CCSER1: variants seen among roughly 807,000 people sequenced by gnomAD.
CCSER1 encodes the protein coiled-coil serine rich protein 1.
A neutral mutation model predicts 82.0 loss-of-function variants in CCSER1; 41 were observed. The observed-to-expected ratio is 0.50, with a 90% confidence interval of 0.39 to 0.65. The LOEUF is 0.65. CCSER1 is among the 30% of genes least tolerant of loss of function. The probability of loss-of-function intolerance (pLI) is 0.00; values close to 1 mark genes in which losing one functional copy is unlikely to be tolerated. For synonymous variants in CCSER1, 414 were observed against 383.9 expected, an observed-to-expected ratio of 1.08 and a Z score of -0.92; for missense variants, 1,119 against 1,064.2, an observed-to-expected ratio of 1.05 and a Z score of -0.72.
chr4:90,127,695 G>C lies in CCSER1; in HGVS notation c.-178G>C, dbSNP rs934461052. The C allele has an allele frequency of 1.2e-4, 18 of 153,244 alleles. No homozygotes were observed. The highest frequency in any genetic ancestry group is 4.3e-4 in the African/African-American group (18 of 41,602). 9.5% of individuals were successfully genotyped at this position (153,244 alleles called of 1,614,324 possible). ...AACGCAGCTGGACTCTGTGCAACTG[G>C]GAGTGGAGAGGAGCCCAACAGCCGA... is the stretch of plus-strand genomic sequence containing the variant. On this transcript the variant is annotated 5_prime_UTR_variant, in exon 1 of 11. Coordinates refer to ENST00000509176, the MANE Select transcript of CCSER1 (RefSeq NM_001145065.2).
intron 1 of CCSER1, among the ~76,000 whole-genome samples, chr4:90,281,232 G>A (rs1728794797): frequency 6.6e-6 from 1 of 151,990 alleles, no homozygotes; most frequent in South Asian, 2.1e-4. Flanking sequence ...CTTATATGTG[G>A]GAGCTAAACA....
At chr4:90,553,977 T>A (rs1451836857) in intron 5 of CCSER1, among the ~76,000 whole-genome samples, 1 of 152,226 alleles carries the variant, frequency 6.6e-6, no homozygotes, top group Non-Finnish European at 1.5e-5. Flanking sequence ...TACTAGGTAT[T>A]ATTACCAAAA....
At chr4:91,025,103 C>A (rs997561529) in intron 9 of CCSER1, among the ~76,000 whole-genome samples, 5 of 152,036 alleles carry the variant, frequency 3.3e-5, no homozygotes, top group African/African-American at 1.2e-4. Context: ...TTTTACAAAG[C>A]CTTTGTAGGA....
chr4:91,377,633 G>A (rs150807946), intron 10 of CCSER1, among the ~76,000 whole-genome samples: 1 of 151,934 alleles, frequency 6.6e-6, no homozygotes, highest in South Asian at 2.1e-4. Flanking sequence ...GAGTTCTTTG[G>A]AGATTCTGGA....
At chr4:91,392,258 TTCTC>T (rs1375738692) in intron 10 of CCSER1, among the ~76,000 whole-genome samples, 1 of 152,028 alleles carries the variant, frequency 6.6e-6, no homozygotes, top group Non-Finnish European at 1.5e-5. Context: ...TTGCACATTT[TTCTC>T]TCTCTGAGAT....
At position 91,352,456 on chromosome 4, in the gene CCSER1, C is replaced by T. The variant is rs537575686; in HGVS notation, c.2218-246116C>T. Among the ~76,000 whole-genome samples, 473 of 152,152 alleles carry T rather than the reference C, an allele frequency of 3.1e-3. 2 individuals are homozygous for T. The highest frequency in any genetic ancestry group is 0.011 in the African/African-American group (436 of 41,508). On this transcript the variant is annotated intron_variant, in intron 10 of 10. Coordinates refer to ENST00000509176, the MANE Select transcript of CCSER1 (RefSeq NM_001145065.2). ...AGAGACAGCGTTTCACTGTGTTAGC[C>T]AGGATGGTCTATCTCCTGACTTCGT...
chr4:91,113,308 C>T (rs1378993253), intron 10 of CCSER1, among the ~76,000 whole-genome samples: 10 of 152,148 alleles, frequency 6.6e-5, no homozygotes, highest in Non-Finnish European at 1.5e-4. Flanking sequence ...CAGGAATTAC[C>T]ACTAGATGTC....
chr4:90,910,989 T>C (rs1339413733), intron 8 of CCSER1, among the ~76,000 whole-genome samples: 1 of 152,202 alleles, frequency 6.6e-6, no homozygotes, highest in Non-Finnish European at 1.5e-5. Context: ...AAATATGTTC[T>C]AACCTCTTAT....
intron 10 of CCSER1, among the ~76,000 whole-genome samples, chr4:91,364,799 A>G (rs2149316643): frequency 6.6e-6 from 1 of 152,136 alleles, no homozygotes; most frequent in African/African-American, 2.4e-5. Context: ...AAAGTTGTGG[A>G]TCTGAGCTAA....
chr4:90,502,856 C>A (rs1770120567), intron 5 of CCSER1, among the ~76,000 whole-genome samples: 1 of 152,136 alleles, frequency 6.6e-6, no homozygotes, highest in Non-Finnish European at 1.5e-5. Context: ...GCTGAAACTT[C>A]TGGCTTTTAA....
chr4:90,289,167 G>A (rs115581226), intron 1 of CCSER1, among the ~76,000 whole-genome samples: 1,636 of 151,982 alleles, frequency 0.011, 15 homozygotes, highest in African/African-American at 0.023. Flanking sequence ...GGATTGCTTT[G>A]CCAAGTGCAT....
intron 8 of CCSER1, among the ~76,000 whole-genome samples, chr4:90,851,724 C>T (rs1370872055): frequency 6.6e-6 from 1 of 152,068 alleles, no homozygotes; most frequent in African/African-American, 2.4e-5. Context: ...CAGTATGTTT[C>T]TAGATAGCTG....
At chr4:91,253,409 A>G (rs960229768) in intron 10 of CCSER1, among the ~76,000 whole-genome samples, 38 of 152,238 alleles carry the variant, frequency 2.5e-4, no homozygotes, top group Admixed American at 2.4e-3. Flanking sequence ...GTCAAGATTC[A>G]TATGCAGATT....
At position 90,313,270 on chromosome 4, in the gene CCSER1, C is replaced by T. The variant is rs114990006; in HGVS notation, c.1509+223C>T. 7.1e-3 allele frequency among the ~76,000 whole-genome samples: 1,082 copies of T among 152,240 alleles called. 6 individuals are homozygous for T. Among genetic ancestry groups the T allele is most frequent in the Non-Finnish European group, 0.01 (711 of 67,998 alleles). On this transcript the variant is annotated intron_variant, in intron 3 of 10. Coordinates refer to ENST00000509176, the MANE Select transcript of CCSER1 (RefSeq NM_001145065.2). ...TCTTTAGTTCCTGTCTTCCTTGCTT[C>T]CATGGAAAGTTTGACATTCTTTATT...
chr4:91,187,928 A>G (rs923647674), intron 10 of CCSER1, among the ~76,000 whole-genome samples: 4 of 152,126 alleles, frequency 2.6e-5, no homozygotes, highest in African/African-American at 7.2e-5. Context: ...TATGTAATAG[A>G]TGTTTTGAAT....
Position 90,783,693 on chromosome 4 carries a change from C to G in CCSER1, c.2011-32069C>G, listed in dbSNP as rs193174502. Among the ~76,000 whole-genome samples the G allele has an allele frequency of 2.0e-5, 3 of 152,236 alleles. No individual in the cohort carries two copies. The East Asian group carries it at 5.8e-4, about 29-fold the overall frequency. ...TTTACCAGTCAAATATTTATCTCAC[C>G]AAGGAGAAAGAATTCTTACTGAATT... On this transcript the variant is annotated intron_variant, in intron 7 of 10. Coordinates refer to ENST00000509176, the MANE Select transcript of CCSER1 (RefSeq NM_001145065.2).
At chr4:90,452,434 A>C (rs1248059167) in intron 4 of CCSER1, among the ~76,000 whole-genome samples, 2 of 152,196 alleles carry the variant, frequency 1.3e-5, no homozygotes, top group African/African-American at 4.8e-5. Flanking sequence ...ATTATATGGC[A>C]CATAAACTGT....
At chr4:91,065,826 A>G (rs897846141) in intron 9 of CCSER1, among the ~76,000 whole-genome samples, 3 of 152,020 alleles carry the variant, frequency 2.0e-5, no homozygotes, top group African/African-American at 4.8e-5. Context: ...ATTTATAGTC[A>G]TTGTTTTAGA....
At chr4:90,339,963 G>A (rs1741099690) in intron 3 of CCSER1, among the ~76,000 whole-genome samples, 1 of 151,592 alleles carries the variant, frequency 6.6e-6, no homozygotes, top group Non-Finnish European at 1.5e-5. Flanking sequence ...AACAAAGAAA[G>A]CATGGAATAC....
Sources: allele counts gnomAD v4.1 joint callset (sites outside exome capture counted in the v4.1 genomes callset), GRCh38; gene constraint gnomAD v4.1.1; transcripts MANE v1.5; gene names NCBI Gene and HGNC (gene_info 2026-07-23, HGNC 2026-07-21).